The following SLX4 variants were observed in gnomAD, a reference collection of about 807,000 sequenced individuals.
SLX4 encodes structure-specific endonuclease subunit SLX4.
In SLX4, 112 loss-of-function variants were observed where a neutral mutation model predicts 146.2. That is an observed-to-expected ratio of 0.77 (90% CI 0.66 to 0.90). The LOEUF (loss-of-function observed/expected upper bound fraction) is 0.90. SLX4 is among the 40% of genes least tolerant of loss of function. SLX4 has a pLI of 0.00. For missense variants in SLX4, 2,563 were observed against 2,392.7 expected (o/e 1.07, Z -1.49); for synonymous variants, 1,061 against 997.7 (o/e 1.06, Z -1.20).
intron 5 of SLX4, 169 bp downstream of exon 5, chr16:3,600,810 G>A: frequency 1.5e-6 from 1 of 663,270 alleles, no homozygotes; most frequent in South Asian, 1.7e-5. Context: ...CGGCCAGGCT[G>A]GTATCGAACT....
chr16:3,604,257 A>G (rs78172543), intron 3 of SLX4, among the ~76,000 whole-genome samples: 9,548 of 151,806 alleles, frequency 0.063, 318 homozygotes, highest in Admixed American at 0.073. Context: ...GGAAAACAAA[A>G]GGAAATGGGG....
rs767298613 is a variant in SLX4, at chr16:3,600,982, A to T, written c.1160T>A (p.Phe387Tyr). The T allele has an allele frequency of 2.8e-5, 45 of 1,613,596 alleles. No homozygotes were observed. In the South Asian group the frequency reaches 4.5e-4, roughly 16 times the overall value. ...TTCTTCCTTTTCGTCGACTTACCTG[A>T]ACATGGGTGGGCTGCTGCTACCCTC... ...QPEGSSSPPMFSFSDHSRGLK... is the reference protein window; with the variant it reads ...QPEGSSSPPMYSFSDHSRGLK... Residue 387 changes from phenylalanine (F) to tyrosine (Y), a missense_variant, in exon 5 of 15, where the codon TTC becomes TAC. By Grantham distance (22) the Phe-to-Tyr change is conservative. Coordinates refer to ENST00000294008, the MANE Select transcript of SLX4 (RefSeq NM_032444.4).
rs1200384330 is a variant in SLX4 at position 3,597,365 on chromosome 16, G to A, written c.1683+14C>T. ...CCCAAAAGCCTATCCATGTGCCTGA[G>A]GGGAGGGACTCACCTGGGCAGGCCG... On this transcript the variant is annotated intron_variant, in intron 7 of 14. Transcript: ENST00000294008. The surrounding 1 kb of genome is among the most constrained non-coding windows in gnomAD (Gnocchi z 4.4). 1.3e-6 allele frequency: 2 copies of A among 1,534,956 alleles called. No homozygotes were observed. Among genetic ancestry groups the A allele is most frequent in the Non-Finnish European group, 1.8e-6 (2 of 1,138,244 alleles).
At chr16:3,592,230 C>G (rs1267045099) in intron 11 of SLX4, among the ~76,000 whole-genome samples, 1 of 152,260 alleles carries the variant, frequency 6.6e-6, no homozygotes, top group Non-Finnish European at 1.5e-5. Context: ...ACACTTGTCC[C>G]TCTGAGCTGC....
intron 3 of SLX4, among the ~76,000 whole-genome samples, chr16:3,605,236 C>T (rs1403090208): frequency 2.0e-5 from 3 of 152,100 alleles, no homozygotes; most frequent in East Asian, 1.9e-4. Flanking sequence ...ACTACAGGCA[C>T]CCACCACCAT....
intron 2 of SLX4, 71 bp downstream of exon 2, chr16:3,608,359 A>T: frequency 6.4e-7 from 1 of 1,573,614 alleles, no homozygotes; most frequent in Non-Finnish European, 8.7e-7. Flanking sequence ...TGGCCTACAA[A>T]GCCAAAATAT....
At chr16:3,607,665 A>T (rs904370227) in intron 2 of SLX4, among the ~76,000 whole-genome samples, 3 of 152,182 alleles carry the variant, frequency 2.0e-5, no homozygotes, top group Admixed American at 2.0e-4. Context: ...AGCCTGGGTG[A>T]GAGACCAAGA....
At position 3,590,215 on chromosome 16, in the gene SLX4, A is replaced by T; in HGVS notation, c.3423T>A (p.Ser1141=). 6.2e-7 allele frequency: 1 copy of T among 1,614,210 alleles called. No individual in the cohort carries two copies. The highest frequency in any genetic ancestry group is 8.5e-7 in the Non-Finnish European group (1 of 1,180,038). Residue 1141 remains serine, a synonymous_variant, in exon 12 of 15, where the codon TCT becomes TCA. Coordinates refer to ENST00000294008, the MANE Select transcript of SLX4 (RefSeq NM_032444.4). The surrounding 1 kb of genome is among the most constrained non-coding windows in gnomAD (Gnocchi z 4.8). ...PDHSSSRSQK[S]SSKLNEEDEV... Reference sequence around the variant, plus strand: ...CATCTTCTTCGTTCAGTTTGGATGAAGATTTCTGAGATCTGGAGCTCGAAT... The same window carrying T: ...CATCTTCTTCGTTCAGTTTGGATGATGATTTCTGAGATCTGGAGCTCGAAT...
chr16:3,599,434 C>A (rs1454898702), intron 5 of SLX4, among the ~76,000 whole-genome samples: 1 of 152,264 alleles, frequency 6.6e-6, no homozygotes, highest in Non-Finnish European at 1.5e-5. Context: ...GGAGCAGGGC[C>A]AGCCCTCTGG....
chr16:3,595,567 G>A lies in SLX4; in HGVS notation c.2013+38C>T, dbSNP rs2151129228. The A allele has an allele frequency of 2.5e-6, 4 of 1,609,648 alleles. No homozygotes were observed. In the Middle Eastern group the frequency reaches 6.7e-4, roughly 270 times the overall value. ...CACCACACACATGGCAAGTGGGATG[G>A]CCGGGACCAGAGAGCGCGGGCCAGA... is the stretch of plus-strand genomic sequence containing the variant. On this transcript the variant is annotated intron_variant, in intron 9 of 14. Coordinates refer to ENST00000294008, the MANE Select transcript of SLX4 (RefSeq NM_032444.4).
At position 3,597,025 on chromosome 16, in the gene SLX4, A is replaced by G. The variant is rs1185108713; in HGVS notation, c.1683+354T>C. On this transcript the variant is annotated intron_variant, in intron 7 of 14. Transcript: ENST00000294008. This position sits in a 1 kb window ranked among gnomAD's most constrained non-coding sequence, Gnocchi z 4.4. Reference sequence around the variant, plus strand: ...CTTAGTAGAGATGGGGTTTCACCATATTAGCCAGGCTGGTCTCGAACTCCT... The same window carrying G: ...CTTAGTAGAGATGGGGTTTCACCATGTTAGCCAGGCTGGTCTCGAACTCCT... 6.6e-6 allele frequency among the ~76,000 whole-genome samples: 1 copy of G among 151,984 alleles called. No individual in the cohort carries two copies. The highest frequency in any genetic ancestry group is 1.5e-5 in the Non-Finnish European group (1 of 67,996).
rs2040810455 is a variant in SLX4, at chr16:3,608,496, C to T, written c.469G>A (p.Ala157Thr). The change falls in exon 2 of 15, where the codon GCA (alanine) becomes ACA (threonine). Residue 157 changes from alanine to threonine, a missense_variant. By Grantham distance (58) the Ala-to-Thr change is moderately conservative. Transcript: ENST00000294008. The stretch of plus-strand genomic sequence containing the variant: ...TGGTTACCCGTCTGGGTGTTTTGTG[C>T]TGTTTCCCGGAGCACAGGTGGATCT... ...APDPPVLRETAQNTQTGNQQE... is the reference protein window; with the variant it reads ...APDPPVLRETTQNTQTGNQQE... 1 of 1,614,188 alleles carries T rather than the reference C, an allele frequency of 6.2e-7. No individual in the cohort carries two copies. The highest frequency in any genetic ancestry group is 1.3e-5 in the African/African-American group (1 of 75,038).
intron 13 of SLX4, among the ~76,000 whole-genome samples, chr16:3,584,242 G>A (rs2040480506): frequency 6.6e-6 from 1 of 152,124 alleles, no homozygotes; most frequent in African/African-American, 2.4e-5. Context: ...CCAACATGGT[G>A]AAACCCCGTC....
Position 3,590,808 on chromosome 16 carries a change from G to A in SLX4, c.2830C>T (p.Pro944Ser). The A allele has an allele frequency of 6.2e-7, 1 of 1,614,016 alleles. No individual in the cohort carries two copies. The highest frequency in any genetic ancestry group is 8.5e-7 in the Non-Finnish European group (1 of 1,179,998). The change falls in exon 12 of 15, where the codon CCT becomes TCT. Residue 944 changes from proline to serine, a missense_variant. Transcript: ENST00000294008. This position sits in a 1 kb window ranked among gnomAD's most constrained non-coding sequence, Gnocchi z 4.8. ...GCCTCCTCTGGCGCCTCCTGCTCAG[G>A]GGCCTCTGCTCCCCGTGCCCCTGAG... ...QHSGARGAEAPEQEAPEEALG... is the reference protein window; with the variant it reads ...QHSGARGAEASEQEAPEEALG...
chr16:3,591,980 C>T (rs534221914), intron 11 of SLX4, among the ~76,000 whole-genome samples: 1 of 152,340 alleles, frequency 6.6e-6, no homozygotes, highest in African/African-American at 2.4e-5. Flanking sequence ...CACAGCGACA[C>T]TCCGTCTCTC....
chr16:3,609,040 T>C lies in SLX4; in HGVS notation c.-76A>G, dbSNP rs902688451. The C allele has an allele frequency of 6.7e-6, 10 of 1,502,266 alleles. No homozygotes were observed. In the African/African-American group the frequency reaches 1.4e-4, roughly 21 times the overall value. 93.1% of individuals were successfully genotyped at this position (1,502,266 alleles called of 1,614,324 possible). A position where few individuals can be genotyped will look rare whatever the true frequency, so the allele number is the denominator to read the frequency against. On this transcript the variant is annotated 5_prime_UTR_variant, in exon 2 of 15. It adds an upstream start codon to the 5' untranslated region. Coordinates refer to ENST00000294008, the MANE Select transcript of SLX4 (RefSeq NM_032444.4). ...GAACAAAAAGTACTGTTTTCCTCTCTATAATGATTGAAGTATCTTTGTTCA... is the reference window on the plus strand; with the variant it reads ...GAACAAAAAGTACTGTTTTCCTCTCCATAATGATTGAAGTATCTTTGTTCA...
chr16:3,591,434 T>C, intron 11 of SLX4, 124 bp from the exon 12 acceptor site: 1 of 1,409,836 alleles, frequency 7.1e-7, no homozygotes, highest in South Asian at 1.2e-5. Context: ...CAGGCCCTGC[T>C]TCCCTTTGAA....
chr16:3,605,871 T>G (rs1227130671), intron 3 of SLX4, among the ~76,000 whole-genome samples: 1 of 131,990 alleles, frequency 7.6e-6, no homozygotes, highest in East Asian at 2.3e-4. Flanking sequence ...GGCGTGAACC[T>G]GGGAGGTGGA....
intron 7 of SLX4, 136 bp from the exon 8 acceptor site, chr16:3,596,529 C>A: frequency 9.1e-7 from 1 of 1,094,886 alleles, no homozygotes; most frequent in Non-Finnish European, 1.3e-6. Flanking sequence ...ACAGACTGTC[C>A]CCGGGGCTCC....
Sources: gnomAD v4.1 joint callset for allele counts (sites outside exome capture counted in the v4.1 genomes callset) on GRCh38, gnomAD v4.1.1 for gene constraint, Gnocchi (gnomAD v3.1) non-coding constraint, MANE v1.5 for transcripts, NCBI Gene and HGNC (gene_info 2026-07-23, HGNC 2026-07-21) for gene names.